The following DST variants were observed in gnomAD, a reference collection of about 807,000 sequenced individuals.
DST encodes dystonin.
In DST, 253 loss-of-function variants were observed where a neutral mutation model predicts 875.2. The observed-to-expected ratio is 0.29, with a 90% CI of 0.26 to 0.32. The LOEUF (loss-of-function observed/expected upper bound fraction) is 0.32. Ranked by LOEUF, DST falls within the 10% of genes least tolerant of loss-of-function variation. The probability of loss-of-function intolerance (pLI) is 1.00; values close to 1 mark genes in which losing one functional copy is unlikely to be tolerated. For synonymous variants in DST, 3,124 were observed against 3,197.1 expected (o/e 0.98, Z 0.77); for missense variants, 8,287 against 9,111.6 (o/e 0.91, Z 3.68).
intron 4 of DST, among the ~76,000 whole-genome samples, chr6:56,804,467 G>C (rs1183619347): frequency 6.6e-6 from 1 of 152,074 alleles, no homozygotes; most frequent in Admixed American, 6.6e-5. Flanking sequence ...GAAATAACAA[G>C]AAATATTATA....
intron 78 of DST, among the ~76,000 whole-genome samples, 160 bp downstream of exon 78, chr6:56,503,835 CTT>C (rs780272987): frequency 2.2e-4 from 34 of 152,182 alleles, no homozygotes; most frequent in Non-Finnish European, 3.5e-4. Context: ...TTAAAGAACA[CTT>C]ATATATTGCT....
chr6:56,799,356 CT>C (rs59690012), intron 4 of DST, among the ~76,000 whole-genome samples: 11,524 of 143,086 alleles, frequency 0.081, 1,290 homozygotes, highest in African/African-American at 0.26. Flanking sequence ...AACTATCTCT[CT>C]TTTTTTTTTT....
At chr6:56,618,538 C>T in intron 36 of DST, 1 of 1,614,140 alleles carries the variant, frequency 6.2e-7, no homozygotes, top group Non-Finnish European at 8.5e-7. Flanking sequence ...TCAGCTCATC[C>T]TCAAGTTTCT....
At chr6:56,639,669 A>G in intron 20 of DST, 27 bp downstream of exon 20, 1 of 1,613,222 alleles carries the variant, frequency 6.2e-7, no homozygotes, top group Non-Finnish European at 8.5e-7. Context: ...GATAAGGGAA[A>G]CAGAAGGTTT....
At chr6:56,660,779 A>G (rs1235717670) in intron 10 of DST, among the ~76,000 whole-genome samples, 2 of 151,828 alleles carry the variant, frequency 1.3e-5, no homozygotes. Flanking sequence ...TTTTTTCTAC[A>G]AAGTGACTCT....
intron 2 of DST, among the ~76,000 whole-genome samples, chr6:56,934,082 G>A (rs1367013027): frequency 6.6e-6 from 1 of 151,868 alleles, no homozygotes; most frequent in African/African-American, 2.4e-5. Flanking sequence ...GCTCAGGCTG[G>A]TCACAAACTC....
intron 3 of DST, among the ~76,000 whole-genome samples, chr6:56,872,822 T>TCCC (rs1554220749): frequency 1.0e-5 from 1 of 99,568 alleles, no homozygotes; most frequent in African/African-American, 4.5e-5. Flanking sequence ...ATACACTGAT[T>TCCC]CCCCCCCCCC....
intron 36 of DST, chr6:56,618,879 C>A: frequency 6.2e-7 from 1 of 1,614,098 alleles, no homozygotes; most frequent in South Asian, 1.1e-5. Flanking sequence ...TCGTCTTGTA[C>A]TTTTTTCAAC....
At chr6:56,912,810 A>T (rs1205298347) in intron 2 of DST, among the ~76,000 whole-genome samples, 1 of 152,198 alleles carries the variant, frequency 6.6e-6, no homozygotes. Context: ...CAGACCTGTA[A>T]ATGGCACACA....
intron 9 of DST, among the ~76,000 whole-genome samples, chr6:56,676,989 G>C (rs972557968): frequency 8.5e-5 from 13 of 152,106 alleles, no homozygotes; most frequent in Admixed American, 8.5e-4. Flanking sequence ...TAGTAACGAT[G>C]TACTGCATTC....
rs770248710 is a variant in DST at position 56,954,411 on chromosome 6, G to C, written c.177C>G (p.Ser59Arg). Residue 59 changes from serine to arginine, a missense_variant, in exon 1 of 104, where the codon AGC becomes AGG. Ser to Arg is a moderately radical substitution (Grantham distance 110). Coordinates refer to ENST00000680361, the MANE Select transcript of DST (RefSeq NM_001374736.1). ...ACCCGTCGCGGCGTGTCTTACCTCG[G>C]CTTCTTGAACGACCCGAGAAGACCG... ...MKSVFSGRSR[S>R]RDAVLRSHHF... 3.7e-6 allele frequency: 5 copies of C among 1,366,714 alleles called. No homozygotes were observed. In the Admixed American group the frequency reaches 9.5e-5, roughly 26 times the overall value. The allele number at this position is 1,366,714 out of a possible 1,614,324, so 84.7% of individuals were successfully genotyped here.
Position 56,509,836 on chromosome 6 carries a change from T to A in DST, c.18818A>T (p.Glu6273Val). The A allele has an allele frequency of 6.2e-7, 1 of 1,613,466 alleles. No homozygotes were observed. The change falls in exon 74 of 104, where the codon GAA (glutamate) becomes GTA (valine). Residue 6273 changes from glutamate to valine, a missense_variant. This residue lies in a region of DST where 1,292 missense variants were observed against 1,552.7 expected (regional missense o/e 0.83). Transcript: ENST00000680361. ...DKIDQILESL[E>V]RIVERLRQPP... Reference sequence around the variant, plus strand: ...CTGCCTCAGACGTTCCACGATGCGTTCCAGGCTCTCAAGGATCTGATCTAT... The same window carrying A: ...CTGCCTCAGACGTTCCACGATGCGTACCAGGCTCTCAAGGATCTGATCTAT...
At chr6:56,711,651 A>G (rs997456716) in intron 5 of DST, among the ~76,000 whole-genome samples, 7 of 152,146 alleles carry the variant, frequency 4.6e-5, no homozygotes, top group Non-Finnish European at 1.0e-4. Context: ...AGTTCCTTGG[A>G]CAGATTATTA....
Position 56,526,564 on chromosome 6 carries a change from G to C in DST, c.17926C>G (p.Leu5976Val). The part of the protein sequence containing the change: ...ASQAQMRPKE[L>V]KKEAKNNKAL... ...TTGTTGTTCTTAGCTTCCTTTTTCA[G>C]TTCCTGAAAACATACAAATAAGTTA... Residue 5976 changes from leucine to valine, a missense_variant, in exon 69 of 104, where the codon CTG (leucine) becomes GTG (valine). By Grantham distance (32) the Leu-to-Val change is conservative. This residue lies in a region of DST where 777 missense variants were observed against 764.8 expected (regional missense o/e 1.02). Coordinates refer to ENST00000680361, the MANE Select transcript of DST (RefSeq NM_001374736.1). 6.2e-7 allele frequency: 1 copy of C among 1,612,928 alleles called. No individual in the cohort carries two copies. Among genetic ancestry groups the C allele is most frequent in the Non-Finnish European group, 8.5e-7 (1 of 1,179,448 alleles).
chr6:56,507,989 CA>C (rs2096377718), intron 75 of DST, among the ~76,000 whole-genome samples: 1 of 152,040 alleles, frequency 6.6e-6, no homozygotes. Flanking sequence ...TGAAATAAGG[CA>C]AAAACAGTGA....
rs777725833 is a variant in DST, at chr6:56,598,607, C to T, written c.11797G>A (p.Asp3933Asn). ...KENGEKLSQEDKALIEQKLNE... is the reference protein window; with the variant it reads ...KENGEKLSQENKALIEQKLNE... ...AGTTTCTGTTCAATCAAAGCCTTAT[C>T]TTCCTGTGACAGCTTTTCACCATTC... The change falls in exon 46 of 104, where the codon GAT becomes AAT. Residue 3933 changes from aspartate (D) to asparagine (N), a missense_variant. Physicochemically the swap from Asp to Asn is conservative, Grantham distance 23. Around this residue, in one of 10 missense-constraint regions of DST, gnomAD observed 1,513 missense variants for 1,677.8 expected, o/e 0.90. Transcript: ENST00000680361. The T allele has an allele frequency of 1.9e-6, 3 of 1,612,410 alleles. No individual in the cohort carries two copies. Among genetic ancestry groups the T allele is most frequent in the Admixed American group, 3.3e-5 (2 of 59,992 alleles).
chr6:56,749,403 G>A (rs2099581301), intron 4 of DST, among the ~76,000 whole-genome samples: 1 of 152,074 alleles, frequency 6.6e-6, no homozygotes, highest in African/African-American at 2.4e-5. Context: ...CTCTGATACT[G>A]TAGGTTACTA....
chr6:56,633,462 G>A (rs57350484), intron 27 of DST, among the ~76,000 whole-genome samples: 17,211 of 151,100 alleles, frequency 0.11, 2,121 homozygotes, highest in African/African-American at 0.31. Context: ...TCCTGACCTC[G>A]TGATCCGCCC....
chr6:56,938,108 C>CTCTCTCTATATA lies in DST; in HGVS notation c.216+15676_216+15677insTATATAGAGAGA, dbSNP rs1383243392. 4.1e-3 allele frequency among the ~76,000 whole-genome samples: 492 copies of CTCTCTCTATATA among 120,692 alleles called. 2 individuals carry two copies. The highest frequency in any genetic ancestry group is 0.016 in the African/African-American group (456 of 28,564). The allele number at this position is 120,692 out of a possible 152,430, so 79.2% of individuals were successfully genotyped here. A position where few individuals can be genotyped will look rare whatever the true frequency, so the allele number is the denominator to read the frequency against. On this transcript the variant is annotated intron_variant, in intron 2 of 103. Coordinates refer to ENST00000680361, the MANE Select transcript of DST (RefSeq NM_001374736.1). Reference sequence around the variant, plus strand: ...TCTCTCTCTCTCTCTCTCTCTCTCTCTATATATATATATATATATATATGT... The same window carrying CTCTCTCTATATA: ...TCTCTCTCTCTCTCTCTCTCTCTCTCTCTCTCTATATATATATATATATATATATATATATGT...
Sources: gnomAD v4.1 joint callset for allele counts (sites outside exome capture counted in the v4.1 genomes callset) on GRCh38, gnomAD v4.1.1 for gene constraint, gnomAD v4.1.1 regional missense constraint, MANE v1.5 for transcripts, NCBI Gene and HGNC (gene_info 2026-07-23, HGNC 2026-07-21) for gene names.